ZDBF2: variants seen among roughly 807,000 people sequenced by gnomAD.
The protein encoded by ZDBF2 is DBF4-type zinc finger-containing protein 2.
Under a neutral mutation model 9.4 loss-of-function variants are expected in ZDBF2, and 6 were observed. The ratio of observed to expected loss-of-function variants is 0.64; its 90% CI spans 0.35 to 1.27. The LOEUF (loss-of-function observed/expected upper bound fraction) is 1.27, where lower values mean the gene tolerates loss of function less well. Among genes scored for constraint, ZDBF2 ranks in the 50% most tolerant of loss-of-function variants. The pLI is 0.03. For synonymous variants in ZDBF2, 905 were observed against 946.3 expected, an observed-to-expected ratio of 0.96 and a Z score of 0.80; for missense variants, 2,697 against 2,766.8, an observed-to-expected ratio of 0.97 and a Z score of 0.57.
At chr2:206,299,079 C>CTAAGG in intron 4 of ZDBF2, among the ~76,000 whole-genome samples, 1 of 151,364 alleles carries the variant, frequency 6.6e-6, no homozygotes, top group African/African-American at 2.4e-5. Flanking sequence ...CAGGGTTTCA[C>CTAAGG]CATGTTGGCC....
rs764961358 is a variant in ZDBF2 at position 206,275,832 on chromosome 2, C to T, written c.-103+886C>T. On this transcript the variant is annotated intron_variant, in intron 1 of 4. Coordinates refer to ENST00000374423, the MANE Select transcript of ZDBF2 (RefSeq NM_020923.3). ...TACACAAACATATATACGTGTGTTA[C>T]ATAAGGGGTGTTTATTTGCTTTTTT... Among the ~76,000 whole-genome samples, 16 of 152,270 alleles carry T rather than the reference C, an allele frequency of 1.1e-4. No individual in the cohort carries two copies. The South Asian group carries it at 1.2e-3, about 12-fold the overall frequency.
Position 206,304,421 on chromosome 2 carries a change from A to G in ZDBF2, c.189-296A>G, listed in dbSNP as rs572568532. Among the ~76,000 whole-genome samples, 4 of 152,302 alleles carry G rather than the reference A, an allele frequency of 2.6e-5. No individual in the cohort carries two copies. In the South Asian group the frequency reaches 6.2e-4, roughly 24 times the overall value. On this transcript the variant is annotated intron_variant, in intron 4 of 4. Coordinates refer to ENST00000374423, the MANE Select transcript of ZDBF2 (RefSeq NM_020923.3). ...ATACAAAGTTAAGTAACATATGTCA[A>G]ACTTTTTGCTATTTACTACTCTGAT...
At chr2:206,275,562 C>G (rs1690948685) in intron 1 of ZDBF2, among the ~76,000 whole-genome samples, 1 of 152,188 alleles carries the variant, frequency 6.6e-6, no homozygotes, top group Admixed American at 6.5e-5. Flanking sequence ...CTTACCAGCT[C>G]CTGCGATTAT....
intron 4 of ZDBF2, among the ~76,000 whole-genome samples, chr2:206,300,035 G>T (rs1045154829): frequency 2.0e-5 from 3 of 152,058 alleles, no homozygotes; most frequent in Non-Finnish European, 4.4e-5. Flanking sequence ...CTTGAACCCT[G>T]GAGGCGGAGG....
In ZDBF2 at chr2:206,305,943, T is replaced by TA; in HGVS notation, c.1417dup (p.Ser473LysfsTer9). The TA allele has an allele frequency of 6.2e-7, 1 of 1,613,398 alleles. No individual in the cohort carries two copies. Among genetic ancestry groups the TA allele is most frequent in the Non-Finnish European group, 8.5e-7 (1 of 1,179,646 alleles). On this transcript the variant is annotated frameshift_variant, in exon 5 of 5. Transcript: ENST00000374423. LOFTEE classifies it low-confidence loss of function (END_TRUNC). ...CAATCCCAAATGATTGTTAAAGAAA[T>TA]AAGTCTTCAGAATGCAAGGCATATT...
In ZDBF2 at chr2:206,307,812, A is replaced by G. The variant is rs769653219; in HGVS notation, c.3284A>G (p.Asp1095Gly). The G allele has an allele frequency of 2.4e-5, 38 of 1,610,580 alleles. No homozygotes were observed. Among genetic ancestry groups the G allele is most frequent in the Non-Finnish European group, 3.1e-5 (37 of 1,179,054 alleles). Residue 1095 changes from aspartate to glycine, a missense_variant, in exon 5 of 5, where the codon GAC becomes GGC. Coordinates refer to ENST00000374423, the MANE Select transcript of ZDBF2 (RefSeq NM_020923.3). The stretch of plus-strand genomic sequence containing the variant: ...CTTCAGGAAGCGGTTAAAAAAATAG[A>G]CCAATGGAAGGAAGAGGTTATTGGC... ...EQLQEAVKKI[D>G]QWKEEVIGLK...
At position 206,306,010 on chromosome 2, in the gene ZDBF2, G is replaced by A. The variant is rs139933444; in HGVS notation, c.1482G>A (p.Thr494=). ...GCTATGAATCTAGTAGTTCTGAAAC[G>A]AATTTTGATTGTGATGCTTCACCTC... ...DQSYESSSSE[T]NFDCDASPQS... is the part of the protein sequence containing the mutation. Residue 494 remains threonine (T), a synonymous_variant, in exon 5 of 5, where the codon ACG becomes ACA. Coordinates refer to ENST00000374423, the MANE Select transcript of ZDBF2 (RefSeq NM_020923.3). 450 of 1,613,294 alleles carry A rather than the reference G, an allele frequency of 2.8e-4. 2 individuals are homozygous for A. In the African/African-American group the frequency reaches 5.3e-3, roughly 19 times the overall value.
Position 206,307,472 on chromosome 2 carries a change from A to G in ZDBF2, c.2944A>G (p.Arg982Gly). ...EVIVKETWLQREKHAEFQGRS... is the reference protein window; with the variant it reads ...EVIVKETWLQGEKHAEFQGRS... ...AATTGTCAAAGAAACATGGCTTCAAAGAGAAAAGCACGCTGAATTCCAAGG... is the reference window on the plus strand; with the variant it reads ...AATTGTCAAAGAAACATGGCTTCAAGGAGAAAAGCACGCTGAATTCCAAGG... Residue 982 changes from arginine (R) to glycine (G), a missense_variant, in exon 5 of 5, where the codon AGA (arginine) becomes GGA (glycine). This residue lies in a region of ZDBF2 where 1,783 missense variants were observed against 1,776.5 expected (regional missense o/e 1.00). Coordinates refer to ENST00000374423, the MANE Select transcript of ZDBF2 (RefSeq NM_020923.3). 1 of 1,612,734 alleles carries G rather than the reference A, an allele frequency of 6.2e-7. No individual in the cohort carries two copies. Among genetic ancestry groups the G allele is most frequent in the Non-Finnish European group, 8.5e-7 (1 of 1,179,442 alleles).
chr2:206,294,611 T>G (rs1333378555), intron 3 of ZDBF2, among the ~76,000 whole-genome samples: 1 of 152,190 alleles, frequency 6.6e-6, no homozygotes, highest in Non-Finnish European at 1.5e-5. Context: ...GCATAGTACC[T>G]GATAGGTAGT....
At chr2:206,291,056 T>C (rs948719987) in intron 3 of ZDBF2, among the ~76,000 whole-genome samples, 4 of 152,220 alleles carry the variant, frequency 2.6e-5, no homozygotes, top group Non-Finnish European at 5.9e-5. Flanking sequence ...ATTAGATGTA[T>C]GTGTTTTTTT....
intron 4 of ZDBF2, among the ~76,000 whole-genome samples, chr2:206,303,283 G>T: frequency 7.3e-6 from 1 of 137,454 alleles, no homozygotes; most frequent in African/African-American, 2.7e-5. Context: ...TCTTTGAATT[G>T]TTATTATTTT....
chr2:206,299,179 C>G (rs969578285), intron 4 of ZDBF2, among the ~76,000 whole-genome samples: 1 of 152,096 alleles, frequency 6.6e-6, no homozygotes, highest in African/African-American at 2.4e-5. Context: ...ACACGCCCGG[C>G]CACATGCAAC....
At chr2:206,277,001 C>T (rs961757110) in intron 1 of ZDBF2, among the ~76,000 whole-genome samples, 2 of 152,136 alleles carry the variant, frequency 1.3e-5, no homozygotes, top group African/African-American at 4.8e-5. Flanking sequence ...ATTGTTTTGT[C>T]ATTGCTCCTC....
In ZDBF2 at chr2:206,309,564, G is replaced by A. The variant is rs754685399; in HGVS notation, c.5036G>A (p.Arg1679Gln). ...LEDTSHRTTH[R>Q]LQKAHKEASL... Reference sequence around the variant, plus strand: ...GACACTTCTCATCGAACGACTCACCGACTGCAGAAAGCTCACAAAGAAGCC... The same window carrying A: ...GACACTTCTCATCGAACGACTCACCAACTGCAGAAAGCTCACAAAGAAGCC... The change falls in exon 5 of 5, where the codon CGA becomes CAA. Residue 1679 changes from arginine (R) to glutamine (Q), a missense_variant. Arg to Gln is a conservative substitution (Grantham distance 43, BLOSUM62 1). This residue lies in a region of ZDBF2 where 1,783 missense variants were observed against 1,776.5 expected (regional missense o/e 1.00). Transcript: ENST00000374423. The A allele has an allele frequency of 4.6e-5, 74 of 1,613,856 alleles. No individual in the cohort carries two copies. Among genetic ancestry groups the A allele is most frequent in the Admixed American group, 6.7e-5 (4 of 59,998 alleles).
rs779409789 is a variant in ZDBF2 at position 206,306,560 on chromosome 2, G to A, written c.2032G>A (p.Asp678Asn). Residue 678 changes from aspartate (D) to asparagine (N), a missense_variant, in exon 5 of 5, where the codon GAC (aspartate) becomes AAC (asparagine). Asp to Asn is a conservative substitution (Grantham distance 23). Coordinates refer to ENST00000374423, the MANE Select transcript of ZDBF2 (RefSeq NM_020923.3). Reference protein sequence around the residue: ...MGFQADAQLADQSQVAEIERQ... With the variant: ...MGFQADAQLANQSQVAEIERQ... Reference sequence around the variant, plus strand: ...TTTTCAGGCTGATGCTCAATTAGCTGACCAGTCTCAAGTAGCCGAAATAGA... The same window carrying A: ...TTTTCAGGCTGATGCTCAATTAGCTAACCAGTCTCAAGTAGCCGAAATAGA... The A allele has an allele frequency of 6.2e-7, 1 of 1,613,654 alleles. No homozygotes were observed. Among genetic ancestry groups the A allele is most frequent in the East Asian group, 2.2e-5 (1 of 44,876 alleles).
In ZDBF2 at chr2:206,311,212, G is replaced by A. The variant is rs769931510; in HGVS notation, c.6684G>A (p.Ser2228=). Residue 2228 remains serine, a synonymous_variant, in exon 5 of 5, where the codon TCG becomes TCA. Coordinates refer to ENST00000374423, the MANE Select transcript of ZDBF2 (RefSeq NM_020923.3). ...GTGATATCATTAGAAAGTATATTTC[G>A]AAATACTCTGTCTTTTTACGTCATA... ...KPSDIIRKYI[S]KYSVFLRHRY... is the part of the protein sequence containing the mutation. 3.1e-5 allele frequency: 50 copies of A among 1,612,016 alleles called. 1 individual carries two copies. The highest frequency in any genetic ancestry group is 1.3e-4 in the South Asian group (12 of 90,618).
intron 1 of ZDBF2, among the ~76,000 whole-genome samples, chr2:206,276,651 A>G (rs187335283): frequency 2.6e-5 from 4 of 152,344 alleles, no homozygotes; most frequent in Admixed American, 2.6e-4. Flanking sequence ...TACGCTGGTT[A>G]TTGGTGTGAG....
Position 206,310,435 on chromosome 2 carries a change from A to T in ZDBF2, c.5907A>T (p.Lys1969Asn). The T allele has an allele frequency of 6.2e-7, 1 of 1,613,992 alleles. No homozygotes were observed. The highest frequency in any genetic ancestry group is 8.5e-7 in the Non-Finnish European group (1 of 1,179,888). The change falls in exon 5 of 5, where the codon AAA becomes AAT. Residue 1969 changes from lysine (K) to asparagine (N), a missense_variant. Around this residue, in one of 3 missense-constraint regions of ZDBF2, gnomAD observed 1,783 missense variants for 1,776.5 expected, o/e 1.00. Coordinates refer to ENST00000374423, the MANE Select transcript of ZDBF2 (RefSeq NM_020923.3). ...KIIRQEEDPP[K>N]SKCSRLQDDR... ...TTAGACAAGAGGAAGACCCACCAAA[A>T]AGTAAGTGTTCACGTTTACAGGATG...
At chr2:206,290,824 A>T (rs953740961) in intron 3 of ZDBF2, among the ~76,000 whole-genome samples, 7 of 152,066 alleles carry the variant, frequency 4.6e-5, no homozygotes, top group Non-Finnish European at 8.8e-5. Context: ...CCCAATCTGG[A>T]TGCCATTATT....
Sources: gnomAD v4.1 joint callset for allele counts (sites outside exome capture counted in the v4.1 genomes callset) on GRCh38, gnomAD v4.1.1 for gene constraint, gnomAD v4.1.1 regional missense constraint, MANE v1.5 for transcripts, NCBI Gene and HGNC (gene_info 2026-07-23, HGNC 2026-07-21) for gene names.